The following CLK4 variants were observed in gnomAD, a reference collection of about 807,000 sequenced individuals.
The protein encoded by CLK4 is dual specificity protein kinase CLK4.
CLK4 carries 37 observed loss-of-function variants against 64.4 expected under a neutral mutation model. That is an observed-to-expected ratio of 0.57 (90% confidence interval 0.44 to 0.76). The LOEUF (loss-of-function observed/expected upper bound fraction) is 0.76, where lower values mean the gene tolerates loss of function less well. Ranked by LOEUF, CLK4 falls within the 30% of genes least tolerant of loss-of-function variation. CLK4 has a pLI of 0.00. For synonymous variants in CLK4, 175 were observed against 191.6 expected (o/e 0.91, Z 0.72); for missense variants, 457 against 605.1 (o/e 0.76, Z 2.57).
chr5:178,603,460 CAAGTT>C lies in CLK4; in HGVS notation c.*152_*156del, dbSNP rs963363012. ...CATTATCAAGACCATACTTGCTTAACAAGTTAATTATGCTATTGATACAAAACATA... is the reference window on the plus strand; with the variant it reads ...CATTATCAAGACCATACTTGCTTAACAATTATGCTATTGATACAAAACATA... On this transcript the variant is annotated 3_prime_UTR_variant, in exon 13 of 13. Transcript: ENST00000316308. 44 of 468,382 alleles carry C rather than the reference CAAGTT, an allele frequency of 9.4e-5. No homozygotes were observed. The highest frequency in any genetic ancestry group is 5.0e-5 in the Non-Finnish European group (14 of 281,222). 29.0% of individuals were successfully genotyped at this position (468,382 alleles called of 1,614,324 possible). A position where few individuals can be genotyped will look rare whatever the true frequency, so the allele number is the denominator to read the frequency against.
At chr5:178,626,433 G>A (rs1035193307) in intron 1 of CLK4, among the ~76,000 whole-genome samples, 2 of 152,190 alleles carry the variant, frequency 1.3e-5, no homozygotes, top group Non-Finnish European at 2.9e-5. Context: ...GGATTTGCAC[G>A]GACGCCCGGT....
chr5:178,623,461 T>C (rs1314344231), intron 1 of CLK4, 45 bp from the exon 2 acceptor site: 1 of 1,483,370 alleles, frequency 6.7e-7, no homozygotes, highest in Admixed American at 2.4e-5. Context: ...TACAGATGTG[T>C]GATAGGTAAA....
intron 2 of CLK4, chr5:178,619,673 A>C: frequency 1.4e-6 from 1 of 691,186 alleles, no homozygotes; most frequent in Non-Finnish European, 2.0e-6. Context: ...AATCTGCTGA[A>C]AGCCATGGAC....
At chr5:178,616,578 T>C (rs1764629840) in intron 5 of CLK4, among the ~76,000 whole-genome samples, 1 of 152,032 alleles carries the variant, frequency 6.6e-6, no homozygotes, top group Non-Finnish European at 1.5e-5. Context: ...GGTAGATCAC[T>C]TGAGGTCAGG....
intron 1 of CLK4, among the ~76,000 whole-genome samples, chr5:178,626,490 T>C (rs966103033): frequency 1.3e-5 from 2 of 152,110 alleles, no homozygotes; most frequent in Non-Finnish European, 1.5e-5. Context: ...TTTGGCGCAC[T>C]CAAGACAGGG....
At chr5:178,620,652 C>A in intron 2 of CLK4, 1 of 450,002 alleles carries the variant, frequency 2.2e-6, no homozygotes, top group Non-Finnish European at 4.5e-6. Context: ...TAAGGGCATT[C>A]GTTTTTATAT....
At chr5:178,620,698 T>C (rs572087768) in intron 2 of CLK4, 2 of 372,988 alleles carry the variant, frequency 5.4e-6, no homozygotes, top group African/African-American at 2.1e-5. Flanking sequence ...AAAAAAATTA[T>C]ATAAGGCAAA....
chr5:178,622,211 G>T (rs1003208544), intron 2 of CLK4: 1 of 155,094 alleles, frequency 6.4e-6, no homozygotes, highest in Non-Finnish European at 1.4e-5. Context: ...GGTACAGATG[G>T]TTTTTTTTAG....
In CLK4 at chr5:178,608,082, A is replaced by G. The variant is rs867443140; in HGVS notation, c.1134+294T>C. Among the ~76,000 whole-genome samples the G allele has an allele frequency of 9.2e-5, 14 of 152,362 alleles. 1 individual carries two copies. In the South Asian group the frequency reaches 2.7e-3, roughly 29 times the overall value. The stretch of plus-strand genomic sequence containing the variant: ...ATAACTATAACTGAAAACTGGCCAC[A>G]TTAACACTACTGCAAATTTATGAAG... On this transcript the variant is annotated intron_variant, in intron 10 of 12. Coordinates refer to ENST00000316308, the MANE Select transcript of CLK4 (RefSeq NM_020666.3).
intron 1 of CLK4, among the ~76,000 whole-genome samples, chr5:178,624,206 G>C (rs979451351): frequency 6.6e-6 from 1 of 152,174 alleles, no homozygotes. Flanking sequence ...TTTTAGGCCG[G>C]GTACGGTGGC....
At position 178,618,692 on chromosome 5, in the gene CLK4, C is replaced by T; in HGVS notation, c.248G>A (p.Gly83Glu). The T allele has an allele frequency of 6.2e-7, 1 of 1,613,922 alleles. No homozygotes were observed. The highest frequency in any genetic ancestry group is 8.5e-7 in the Non-Finnish European group (1 of 1,179,888). Residue 83 changes from glycine to glutamate, a missense_variant, in exon 3 of 13, where the codon GGA (glycine) becomes GAA (glutamate). By Grantham distance (98) the Gly-to-Glu change is moderately conservative. Transcript: ENST00000316308. ...TCTGTGATAATGTCTAGGAACATATCCTTCACAGTAGTCATTCCTGTATTC... is the reference window on the plus strand; with the variant it reads ...TCTGTGATAATGTCTAGGAACATATTCTTCACAGTAGTCATTCCTGTATTC... ...VDEYRNDYCE[G>E]YVPRHYHRDI...
At chr5:178,623,142 A>C in intron 2 of CLK4, 114 bp downstream of exon 2, 5 of 1,047,852 alleles carry the variant, frequency 4.8e-6, no homozygotes, top group Non-Finnish European at 7.2e-6. Flanking sequence ...TTTCTAAACG[A>C]ATATTTGTTG....
rs148082287 is a variant in CLK4 at position 178,615,847 on chromosome 5, G to C, written c.542+1035C>G. 2.0e-3 allele frequency among the ~76,000 whole-genome samples: 301 copies of C among 152,296 alleles called. 4 individuals are homozygous for C. The highest frequency in any genetic ancestry group is 6.5e-3 in the African/African-American group (270 of 41,576). ...TAGAGGAAAACGGTAAAATGAGGCA[G>C]AAAGGGTCAAATCACAAACTTTATT... On this transcript the variant is annotated intron_variant, in intron 5 of 12. Transcript: ENST00000316308.
chr5:178,609,713 A>G (rs1764527596), intron 9 of CLK4, among the ~76,000 whole-genome samples: 1 of 107,868 alleles, frequency 9.3e-6, no homozygotes, highest in Admixed American at 9.5e-5. Flanking sequence ...TAACAAAAAT[A>G]AAAAATAATA....
chr5:178,623,145 A>G (rs1350334262), intron 2 of CLK4, 111 bp downstream of exon 2: 4 of 1,066,598 alleles, frequency 3.8e-6, no homozygotes, highest in Admixed American at 4.3e-5. Flanking sequence ...CTAAACGAAT[A>G]TTTGTTGACT....
At position 178,612,677 on chromosome 5, in the gene CLK4, C is replaced by CT. The variant is rs1295405140; in HGVS notation, c.921+118dup. The CT allele has an allele frequency of 9.7e-6, 11 of 1,135,710 alleles. 1 individual carries two copies. The highest frequency in any genetic ancestry group is 4.4e-5 in the Admixed American group (2 of 45,154). The allele number at this position is 1,135,710 out of a possible 1,614,324, so 70.4% of individuals were successfully genotyped here. Reference sequence around the variant, plus strand: ...TGAGAAAGGCAAAGAAGGATTACTTCTTTTTGGTTAAACAACAGGATATAA... The same window carrying CT: ...TGAGAAAGGCAAAGAAGGATTACTTCTTTTTTGGTTAAACAACAGGATATAA... On this transcript the variant is annotated intron_variant, in intron 8 of 12. Transcript: ENST00000316308.
chr5:178,623,334 T>G lies in CLK4; in HGVS notation c.83A>C (p.Lys28Thr). Residue 28 changes from lysine (K) to threonine (T), a missense_variant, in exon 2 of 13, where the codon AAG becomes ACG. Coordinates refer to ENST00000316308, the MANE Select transcript of CLK4 (RefSeq NM_020666.3). ...WGHESYRGSHKRKRRSHSSTQ... is the reference protein window; with the variant it reads ...WGHESYRGSHTRKRRSHSSTQ... ...GCTACTATGAGATCTCCTCTTCCGC[T>G]TGTGACTTCCACGATAGCTTTCATG... 6.2e-7 allele frequency: 1 copy of G among 1,614,110 alleles called. No individual in the cohort carries two copies. The highest frequency in any genetic ancestry group is 8.5e-7 in the Non-Finnish European group (1 of 1,179,986).
In CLK4 at chr5:178,608,415, G is replaced by A. The variant is rs1764497266; in HGVS notation, c.1095C>T (p.Cys365=). ...SQPCDVWSIG[C]ILIEYYLGFT... Reference sequence around the variant, plus strand: ...AACCAAGGTAATATTCAATAAGAATGCAACCTATGCTCCAAACATCACAAG... The same window carrying A: ...AACCAAGGTAATATTCAATAAGAATACAACCTATGCTCCAAACATCACAAG... The change falls in exon 10 of 13, where the codon TGC becomes TGT. Residue 365 remains cysteine (C), a synonymous_variant. Coordinates refer to ENST00000316308, the MANE Select transcript of CLK4 (RefSeq NM_020666.3). The A allele has an allele frequency of 6.2e-7, 1 of 1,610,264 alleles. No individual in the cohort carries two copies. The highest frequency in any genetic ancestry group is 8.5e-7 in the Non-Finnish European group (1 of 1,178,658).
intron 2 of CLK4, chr5:178,620,543 TAGAC>T (rs1562130604): frequency 3.8e-5 from 7 of 184,578 alleles, no homozygotes; most frequent in Non-Finnish European, 5.8e-5. Context: ...ATGGACAGGG[TAGAC>T]AGGATGAACA....
Sources: allele counts gnomAD v4.1 joint callset (sites outside exome capture counted in the v4.1 genomes callset), GRCh38; gene constraint gnomAD v4.1.1; transcripts MANE v1.5; gene names NCBI Gene and HGNC (gene_info 2026-07-23, HGNC 2026-07-21).